KIAA0319: variants seen among roughly 807,000 people sequenced by gnomAD.
The protein encoded by KIAA0319 is dyslexia-associated protein KIAA0319.
Under a neutral mutation model 108.4 loss-of-function variants are expected in KIAA0319, and 83 were observed. That is an observed-to-expected ratio of 0.77 (90% CI 0.64 to 0.92). KIAA0319 has a LOEUF of 0.92. Among genes scored for constraint, KIAA0319 ranks in the 40% least tolerant of loss-of-function variants. The pLI is 0.00. For missense variants in KIAA0319, 1,195 were observed against 1,322.4 expected (o/e 0.90, Z 1.49); for synonymous variants, 484 against 510.4 (o/e 0.95, Z 0.70).
intron 1 of KIAA0319, among the ~76,000 whole-genome samples, chr6:24,626,538 A>G (rs1044412778): frequency 2.0e-5 from 3 of 152,210 alleles, no homozygotes; most frequent in African/African-American, 7.2e-5. Context: ...TCTCAAAAAA[A>G]AAGGGGGTGA....
At chr6:24,547,412 T>A in intron 20 of KIAA0319, 69 bp from the exon 21 acceptor site, 1 of 1,394,478 alleles carries the variant, frequency 7.2e-7, no homozygotes, top group Non-Finnish European at 1.0e-6. Flanking sequence ...GTCGTTGTGG[T>A]TGCAGGTCCT....
intron 1 of KIAA0319, among the ~76,000 whole-genome samples, chr6:24,616,587 C>T (rs1474326012): frequency 2.0e-5 from 3 of 152,184 alleles, no homozygotes; most frequent in African/African-American, 4.8e-5. Flanking sequence ...TTCTTGACCT[C>T]GTGATCTGCC....
chr6:24,583,119 A>G, intron 5 of KIAA0319: 1 of 985,978 alleles, frequency 1.0e-6, no homozygotes, highest in Non-Finnish European at 1.2e-6. Flanking sequence ...ACTGAATGGT[A>G]GAGCACTGGA....
intron 20 of KIAA0319, among the ~76,000 whole-genome samples, chr6:24,549,279 T>C (rs1246050449): frequency 1.4e-5 from 2 of 143,060 alleles, no homozygotes; most frequent in Non-Finnish European, 3.0e-5. Context: ...TGAGCTGAGA[T>C]TGCACCACTG....
At chr6:24,570,526 T>A (rs1476448868) in intron 11 of KIAA0319, among the ~76,000 whole-genome samples, 1 of 151,066 alleles carries the variant, frequency 6.6e-6, no homozygotes, top group Non-Finnish European at 1.5e-5. Context: ...AGGCGGAGCT[T>A]GCAGTGAGCC....
intron 4 of KIAA0319, among the ~76,000 whole-genome samples, chr6:24,586,082 C>T (rs2760133): frequency 0.3 from 45,332 of 151,926 alleles, 8,265 homozygotes; most frequent in Non-Finnish European, 0.4. Flanking sequence ...AGCAAGACTC[C>T]GTCTCAAAAC....
intron 12 of KIAA0319, 27 bp downstream of exon 12, chr6:24,569,876 A>G: frequency 6.2e-7 from 1 of 1,612,894 alleles, no homozygotes; most frequent in South Asian, 1.1e-5. Flanking sequence ...ATGGGCATGA[A>G]CCTAGCTCAG....
intron 14 of KIAA0319, 54 bp downstream of exon 14, chr6:24,566,543 C>T: frequency 6.7e-7 from 1 of 1,490,428 alleles, no homozygotes; most frequent in Non-Finnish European, 9.1e-7. Flanking sequence ...CCCAAGCTGA[C>T]TAATGCAGAT....
intron 1 of KIAA0319, among the ~76,000 whole-genome samples, chr6:24,623,363 G>C (rs1296889653): frequency 2.6e-5 from 4 of 152,086 alleles, no homozygotes; most frequent in African/African-American, 7.2e-5. Context: ...AGACAATAGA[G>C]GGGAAGAAGT....
At chr6:24,630,309 G>A (rs1775352795) in intron 1 of KIAA0319, among the ~76,000 whole-genome samples, 1 of 151,802 alleles carries the variant, frequency 6.6e-6, no homozygotes, top group African/African-American at 2.4e-5. Context: ...AGGAGTTCGA[G>A]GCCAGTCTGG....
downstream of KIAA0319, among the ~76,000 whole-genome samples, chr6:24,541,804 A>T (rs1294148262): frequency 6.6e-6 from 1 of 152,144 alleles, no homozygotes; most frequent in Non-Finnish European, 1.5e-5. Context: ...TCTCAAAAAT[A>T]ATAATTTAGC....
At position 24,551,427 on chromosome 6, in the gene KIAA0319, G is replaced by T. The variant is rs1761486830; in HGVS notation, c.3040+7C>A. On this transcript the variant is annotated splice_region_variant and intron_variant, in intron 20 of 20. Transcript: ENST00000378214. The stretch of plus-strand genomic sequence containing the variant: ...GTGCCAGGCAGTCATTCTGCAGACT[G>T]TCTTACCATATTTGGGCCTCAGTTC... The T allele has an allele frequency of 9.4e-6, 15 of 1,588,272 alleles. No individual in the cohort carries two copies. The highest frequency in any genetic ancestry group is 1.3e-5 in the Non-Finnish European group (15 of 1,156,250).
At chr6:24,613,260 G>A (rs572132328) in intron 1 of KIAA0319, among the ~76,000 whole-genome samples, 13 of 152,150 alleles carry the variant, frequency 8.5e-5, no homozygotes, top group Non-Finnish European at 1.0e-4. Flanking sequence ...GAATCTGCGC[G>A]TAACACAGAG....
intron 14 of KIAA0319, among the ~76,000 whole-genome samples, chr6:24,565,490 C>T (rs1191788281): frequency 6.6e-6 from 1 of 151,990 alleles, no homozygotes; most frequent in African/African-American, 2.4e-5. Flanking sequence ...CGCGGTGGCT[C>T]ACGCCTGTAA....
At chr6:24,571,280 A>G (rs1764689930) in intron 11 of KIAA0319, among the ~76,000 whole-genome samples, 1 of 149,118 alleles carries the variant, frequency 6.7e-6, no homozygotes, top group Non-Finnish European at 1.5e-5. Flanking sequence ...AGTGGCTTAC[A>G]CCTGTAATCC....
chr6:24,547,806 A>G lies in KIAA0319; in HGVS notation c.3041-463T>C, dbSNP rs531035204. Among the ~76,000 whole-genome samples the G allele has an allele frequency of 4.3e-4, 66 of 152,350 alleles. No individual in the cohort carries two copies. The South Asian group carries it at 7.9e-3, about 18-fold the overall frequency. On this transcript the variant is annotated intron_variant, in intron 20 of 20. Coordinates refer to ENST00000378214, the MANE Select transcript of KIAA0319 (RefSeq NM_014809.4). ...TATTTGATTTCAGGGGGTCAACCTA[A>G]GATACAGAACAGGTATAAGATTCAA...
At position 24,599,174 on chromosome 6, in the gene KIAA0319, C is replaced by G. The variant is rs1770221021; in HGVS notation, c.55+1875G>C. ...AGTACAAGGAGATCACCAACTGTAG[C>G]CAGGCCGGGGCTGACAGCCTGTACC... is the stretch of plus-strand genomic sequence containing the variant. On this transcript the variant is annotated intron_variant, in intron 2 of 20. Coordinates refer to ENST00000378214, the MANE Select transcript of KIAA0319 (RefSeq NM_014809.4). The surrounding 1 kb of genome is among the most constrained non-coding windows in gnomAD (Gnocchi z 4.1). 1 of 569,886 alleles carries G rather than the reference C, an allele frequency of 1.8e-6. No individual in the cohort carries two copies. Among genetic ancestry groups the G allele is most frequent in the Non-Finnish European group, 3.2e-6 (1 of 313,304 alleles). 35.3% of individuals were successfully genotyped at this position (569,886 alleles called of 1,614,324 possible).
chr6:24,630,692 T>G (rs1265157404), intron 1 of KIAA0319, among the ~76,000 whole-genome samples: 17 of 71,470 alleles, frequency 2.4e-4, no homozygotes, highest in African/African-American at 1.2e-3. Context: ...TGTATATATA[T>G]ATATATATAT....
intron 1 of KIAA0319, among the ~76,000 whole-genome samples, chr6:24,606,650 C>A (rs1771451054): frequency 1.3e-5 from 2 of 152,180 alleles, no homozygotes; most frequent in African/African-American, 4.8e-5. Context: ...TCCATTTATT[C>A]CTTAGTAATA....
Sources: allele counts gnomAD v4.1 joint callset (sites outside exome capture counted in the v4.1 genomes callset), GRCh38; gene constraint gnomAD v4.1.1; non-coding constraint Gnocchi (gnomAD v3.1); transcripts MANE v1.5; gene names NCBI Gene and HGNC (gene_info 2026-07-23, HGNC 2026-07-21).